GALNT13: variants seen among roughly 807,000 people sequenced by gnomAD.
The protein encoded by GALNT13 is UDP-GalNAc:polypeptide N-acetylgalactosaminyltransferase 13.
GALNT13 carries 28 observed loss-of-function variants against 64.2 expected under a neutral mutation model. That is an observed-to-expected ratio of 0.44 (90% CI 0.32 to 0.60). GALNT13 has a LOEUF of 0.60. Ranked by LOEUF, GALNT13 falls within the 20% of genes least tolerant of loss-of-function variation. The pLI is 0.05. For missense variants in GALNT13, 577 were observed against 669.8 expected, an observed-to-expected ratio of 0.86 and a Z score of 1.53; for synonymous variants, 214 against 224.6, an observed-to-expected ratio of 0.95 and a Z score of 0.42.
chr2:153,161,331 C>T, the GALNT13 span, among the ~76,000 whole-genome samples: 3 of 152,170 alleles, frequency 2.0e-5, 1 homozygote, highest in Admixed American at 2.0e-4. Flanking sequence ...ATGTCAGATA[C>T]TCTTCTAGAC....
intron 3 of GALNT13, among the ~76,000 whole-genome samples, chr2:153,953,878 C>CTT (rs1692380221): frequency 1.3e-5 from 2 of 152,104 alleles, no homozygotes; most frequent in African/African-American, 2.4e-5. Context: ...AGTGGAATTG[C>CTT]TGACCAATGA....
chr2:153,258,277 G>T, the GALNT13 span, among the ~76,000 whole-genome samples: 1 of 152,038 alleles, frequency 6.6e-6, no homozygotes, highest in African/African-American at 2.4e-5. Flanking sequence ...CGAGCTCAGT[G>T]GCTTCCCCCC....
the GALNT13 span, among the ~76,000 whole-genome samples, chr2:153,450,165 G>C: frequency 1.3e-5 from 2 of 152,144 alleles, no homozygotes; most frequent in African/African-American, 2.4e-5. Flanking sequence ...TGACTTGTCA[G>C]ATTAGTAATG....
intron 9 of GALNT13, among the ~76,000 whole-genome samples, chr2:154,391,297 A>G (rs915482864): frequency 1.3e-5 from 2 of 152,124 alleles, no homozygotes; most frequent in African/African-American, 4.8e-5. Flanking sequence ...TGAGTCAGTC[A>G]TTGTTATCTG....
At chr2:153,520,125 A>T in the GALNT13 span, among the ~76,000 whole-genome samples, 3 of 152,228 alleles carry the variant, frequency 2.0e-5, no homozygotes, top group African/African-American at 7.2e-5. Flanking sequence ...CTAGAAAAAA[A>T]ATTTACTCAT....
At chr2:153,205,162 C>T in the GALNT13 span, among the ~76,000 whole-genome samples, 5 of 148,438 alleles carry the variant, frequency 3.4e-5, no homozygotes, top group African/African-American at 1.3e-4. Flanking sequence ...ACTATTAATA[C>T]ATGAAAACTT....
intron 9 of GALNT13, among the ~76,000 whole-genome samples, chr2:154,375,760 G>GT (rs1212607180): frequency 2.6e-5 from 4 of 152,058 alleles, no homozygotes; most frequent in African/African-American, 7.2e-5. Context: ...GAGAGGGACT[G>GT]TTTTTTTGCA....
At chr2:153,865,678 T>A in the GALNT13 span, among the ~76,000 whole-genome samples, 10 of 108,984 alleles carry the variant, frequency 9.2e-5, no homozygotes, top group African/African-American at 3.5e-4. Context: ...CTGGAGAGGA[T>A]GTGGAGAAAC....
At chr2:153,415,721 A>C in the GALNT13 span, among the ~76,000 whole-genome samples, 1 of 152,200 alleles carries the variant, frequency 6.6e-6, no homozygotes, top group African/African-American at 2.4e-5. Context: ...TGGACTTTAA[A>C]ATTTACTGTA....
chr2:153,943,997 T>C (rs1347795939), intron 2 of GALNT13, among the ~76,000 whole-genome samples: 1 of 152,214 alleles, frequency 6.6e-6, no homozygotes, highest in Non-Finnish European at 1.5e-5. Context: ...TTTTAGCCAC[T>C]ATAATATATT....
chr2:153,220,472 T>C, the GALNT13 span, among the ~76,000 whole-genome samples: 38 of 152,330 alleles, frequency 2.5e-4, 1 homozygote, highest in South Asian at 7.9e-3. Flanking sequence ...GGTGAGCTTG[T>C]ATACAACTTC....
chr2:153,181,347 C>G, the GALNT13 span, among the ~76,000 whole-genome samples: 1 of 146,542 alleles, frequency 6.8e-6, no homozygotes. Flanking sequence ...TAGTTTCATA[C>G]CATTACTGTC....
chr2:154,209,779 T>G lies in GALNT13; in HGVS notation c.312-32251T>G, dbSNP rs78689703. Among the ~76,000 whole-genome samples, 357 of 152,306 alleles carry G rather than the reference T, an allele frequency of 2.3e-3. 3 individuals are homozygous for G. Among genetic ancestry groups the G allele is most frequent in the African/African-American group, 8.3e-3 (344 of 41,572 alleles). ...GTTTTTGTGAGGTAAATTGTGATCTTTGATATATGTACATATGTGGAATAA... is the reference window on the plus strand; with the variant it reads ...GTTTTTGTGAGGTAAATTGTGATCTGTGATATATGTACATATGTGGAATAA... On this transcript the variant is annotated intron_variant, in intron 4 of 12. Transcript: ENST00000392825.
At chr2:153,910,325 T>C (rs532606668) in intron 2 of GALNT13, among the ~76,000 whole-genome samples, 27 of 152,146 alleles carry the variant, frequency 1.8e-4, no homozygotes, top group African/African-American at 6.5e-4. Flanking sequence ...TCTTCTATCT[T>C]TTTCTCTTTA....
At chr2:153,131,332 G>T in the GALNT13 span, among the ~76,000 whole-genome samples, 12 of 152,250 alleles carry the variant, frequency 7.9e-5, no homozygotes, top group Middle Eastern at 3.4e-3. Context: ...AAGCATGTTT[G>T]GTACCTAACG....
At chr2:153,745,970 T>C in the GALNT13 span, among the ~76,000 whole-genome samples, 2 of 152,228 alleles carry the variant, frequency 1.3e-5, no homozygotes, top group African/African-American at 4.8e-5. Flanking sequence ...CTGCTACTTA[T>C]GATACCTGGC....
intron 4 of GALNT13, among the ~76,000 whole-genome samples, chr2:154,197,892 T>C (rs1686963772): frequency 6.6e-6 from 1 of 150,890 alleles, no homozygotes; most frequent in East Asian, 1.9e-4. Context: ...ACACAAATGG[T>C]CAACAAATAT....
intron 9 of GALNT13, among the ~76,000 whole-genome samples, chr2:154,306,980 A>G (rs943244101): frequency 2.0e-5 from 3 of 150,334 alleles, no homozygotes; most frequent in Admixed American, 2.0e-4. Context: ...TTTGTTTCAG[A>G]AAGGGCTGTT....
chr2:153,460,636 T>C, the GALNT13 span, among the ~76,000 whole-genome samples: 1 of 152,082 alleles, frequency 6.6e-6, no homozygotes, highest in Non-Finnish European at 1.5e-5. Flanking sequence ...AGCAACAAAT[T>C]AGAAACCACT....
Sources: allele counts gnomAD v4.1 joint callset (sites outside exome capture counted in the v4.1 genomes callset), GRCh38; gene constraint gnomAD v4.1.1; transcripts MANE v1.5; gene names NCBI Gene and HGNC (gene_info 2026-07-23, HGNC 2026-07-21).